The following MYO18B variants were observed in gnomAD, a reference collection of about 807,000 sequenced individuals.
The protein encoded by MYO18B is unconventional myosin-XVIIIb.
A neutral mutation model predicts 273.0 loss-of-function variants in MYO18B; 204 were observed. The observed-to-expected ratio is 0.75, with a 90% CI of 0.67 to 0.84. The LOEUF (loss-of-function observed/expected upper bound fraction) is 0.84, where lower values mean the gene tolerates loss of function less well. Among genes scored for constraint, MYO18B ranks in the 40% least tolerant of loss-of-function variants. The pLI, the probability that MYO18B is intolerant of heterozygous loss-of-function variation, is 0.00. For synonymous variants in MYO18B, 1,330 were observed against 1,305.7 expected (o/e 1.02, Z -0.40); for missense variants, 3,212 against 3,287.6 (o/e 0.98, Z 0.56).
At chr22:25,857,193 C>G (rs1209244622) in intron 21 of MYO18B, among the ~76,000 whole-genome samples, 2 of 152,224 alleles carry the variant, frequency 1.3e-5, no homozygotes, top group East Asian at 3.8e-4. Flanking sequence ...AGTGAAGGCA[C>G]TCTTTCAGCT....
chr22:26,017,962 G>GT lies in MYO18B; in HGVS notation c.6471-8479dup, dbSNP rs1339313323. Among the ~76,000 whole-genome samples, 83 of 117,508 alleles carry GT rather than the reference G, an allele frequency of 7.1e-4. 2 individuals carry two copies. The highest frequency in any genetic ancestry group is 1.6e-3 in the South Asian group (6 of 3,646). The allele number at this position is 117,508 out of a possible 152,430, so 77.1% of individuals were successfully genotyped here. On this transcript the variant is annotated intron_variant, in intron 42 of 43. Coordinates refer to ENST00000335473, the MANE Select transcript of MYO18B (RefSeq NM_032608.7). ...ATCACCACCCAGCTCCAATTTTACT[G>GT]TTTTGTTTTTTTTTTTTTTTTTTTT... is the stretch of plus-strand genomic sequence containing the variant.
At chr22:26,054,457 G>C in the MYO18B span, among the ~76,000 whole-genome samples, 19 of 152,294 alleles carry the variant, frequency 1.2e-4, no homozygotes, top group South Asian at 4.1e-4. Context: ...ACATATGTCA[G>C]AGAAGCAACA....
rs374793198 is a variant in MYO18B, at chr22:25,828,184, GAGACGGTGGCTA to G, written c.2787-582_2787-571del. 6.7e-4 allele frequency among the ~76,000 whole-genome samples: 102 copies of G among 152,276 alleles called. 1 individual carries two copies. Among genetic ancestry groups the G allele is most frequent in the African/African-American group, 2.4e-3 (101 of 41,550 alleles). On this transcript the variant is annotated intron_variant, in intron 14 of 43. Coordinates refer to ENST00000335473, the MANE Select transcript of MYO18B (RefSeq NM_032608.7). ...TCTGAGCTAGTCACCATCATTAACT[GAGACGGTGGCTA>G]AGACGGTGGAGGCTCAGAGAGGTTG...
Position 25,828,902 on chromosome 22 carries a change from C to T in MYO18B, c.2913C>T (p.Ala971=), listed in dbSNP as rs1417559783. ...TTGAGGAGCTGTGCCACAACTACGC[C>T]CATGAGCGCCTGCAGCTGCTGTTCT... ...ATFEELCHNY[A]HERLQLLFYQ... Residue 971 remains alanine (A), a synonymous_variant, in exon 15 of 44, where the codon GCC becomes GCT. Coordinates refer to ENST00000335473, the MANE Select transcript of MYO18B (RefSeq NM_032608.7). The T allele has an allele frequency of 6.2e-7, 1 of 1,614,034 alleles. No homozygotes were observed. Among genetic ancestry groups the T allele is most frequent in the Admixed American group, 1.7e-5 (1 of 60,028 alleles).
chr22:26,038,595 G>A, the MYO18B span, among the ~76,000 whole-genome samples: 1 of 152,080 alleles, frequency 6.6e-6, no homozygotes, highest in South Asian at 2.1e-4. Flanking sequence ...AGGATCTCCT[G>A]GCAGGGTGCA....
chr22:25,843,935 A>T, intron 18 of MYO18B, 41 bp downstream of exon 18: 1 of 1,575,704 alleles, frequency 6.3e-7, no homozygotes, highest in Non-Finnish European at 8.7e-7. Context: ...GGAGCATTGG[A>T]GGCACTGTGT....
At chr22:25,861,985 T>C (rs1375504248) in intron 21 of MYO18B, among the ~76,000 whole-genome samples, 1 of 152,166 alleles carries the variant, frequency 6.6e-6, no homozygotes, top group Admixed American at 6.5e-5. Flanking sequence ...AACAACTGAC[T>C]GAAAATATTT....
At chr22:25,951,947 C>G (rs973007185) in intron 37 of MYO18B, among the ~76,000 whole-genome samples, 1 of 152,178 alleles carries the variant, frequency 6.6e-6, no homozygotes, top group Admixed American at 6.5e-5. Context: ...GATGCTGTAG[C>G]TTGTTGCTCA....
intron 11 of MYO18B, among the ~76,000 whole-genome samples, chr22:25,790,871 C>G (rs1383640732): frequency 6.6e-6 from 1 of 152,100 alleles, no homozygotes; most frequent in African/African-American, 2.4e-5. Flanking sequence ...GATTAGAAAG[C>G]CTGGGGGTCC....
chr22:25,781,445 T>TA (rs2087145439), intron 9 of MYO18B, among the ~76,000 whole-genome samples: 1 of 151,850 alleles, frequency 6.6e-6, no homozygotes, highest in East Asian at 1.9e-4. Context: ...CCGTCTCTAC[T>TA]AAAAAAACAA....
the MYO18B span, among the ~76,000 whole-genome samples, chr22:26,057,524 C>CT: frequency 0.13 from 17,409 of 136,980 alleles, 1,272 homozygotes; most frequent in African/African-American, 0.21. Flanking sequence ...TGCAAAGTCA[C>CT]TTTTTTTTTT....
At chr22:25,941,575 G>T (rs1313831286) in intron 34 of MYO18B, among the ~76,000 whole-genome samples, 1 of 152,324 alleles carries the variant, frequency 6.6e-6, no homozygotes, top group Admixed American at 6.5e-5. Flanking sequence ...AACAGCCTCC[G>T]TATGGAAATA....
chr22:25,888,159 AT>A (rs996476866), intron 25 of MYO18B, among the ~76,000 whole-genome samples: 33 of 152,282 alleles, frequency 2.2e-4, no homozygotes, highest in Non-Finnish European at 4.4e-4. Flanking sequence ...TAATTCCTAA[AT>A]TTTTTTGTTC....
At chr22:26,014,117 G>T (rs1451723182) in intron 42 of MYO18B, among the ~76,000 whole-genome samples, 1 of 151,984 alleles carries the variant, frequency 6.6e-6, no homozygotes, top group Non-Finnish European at 1.5e-5. Context: ...TGTAGACATT[G>T]TATTGATTTA....
At chr22:25,755,112 G>A (rs1052750495) in intron 1 of MYO18B, among the ~76,000 whole-genome samples, 7 of 152,210 alleles carry the variant, frequency 4.6e-5, no homozygotes, top group Non-Finnish European at 1.0e-4. Flanking sequence ...AGGGGACGAC[G>A]GGAGGGGAGG....
rs536203185 is a variant in MYO18B, at chr22:25,825,276, C to A, written c.2696-1133C>A. ...TGCTGGGAGGCTGTGGGTTGCCTAG[C>A]AACAGCCCAGGTTGGGGGTGGATTC... On this transcript the variant is annotated intron_variant, in intron 13 of 43. Transcript: ENST00000335473. 3.2e-4 allele frequency among the ~76,000 whole-genome samples: 49 copies of A among 152,054 alleles called. 1 individual carries two copies. Among genetic ancestry groups the A allele is most frequent in the African/African-American group, 1.2e-3 (48 of 41,494 alleles).
rs77321600 is a variant in MYO18B, at chr22:25,879,150, C to T, written c.4314+1102C>T. On this transcript the variant is annotated intron_variant, in intron 25 of 43. Transcript: ENST00000335473. ...ATAAAGTTTTATTGGAACACAGCCA[C>T]GCTCATTCCTTTATGTGTAGTCTAT... is the stretch of plus-strand genomic sequence containing the variant. Among the ~76,000 whole-genome samples the T allele has an allele frequency of 9.6e-3, 1,460 of 152,330 alleles. 17 individuals are homozygous for T. The highest frequency in any genetic ancestry group is 0.032 in the African/African-American group (1,343 of 41,572).
chr22:26,017,059 T>A (rs1286008842), intron 42 of MYO18B, among the ~76,000 whole-genome samples: 1 of 83,242 alleles, frequency 1.2e-5, no homozygotes, highest in Non-Finnish European at 2.9e-5. Flanking sequence ...CTTCCTTCCT[T>A]CCTTCCTTCC....
chr22:25,988,762 T>C (rs1016461058), intron 39 of MYO18B, among the ~76,000 whole-genome samples: 2 of 152,170 alleles, frequency 1.3e-5, no homozygotes, highest in African/African-American at 2.4e-5. Context: ...AAGTTTCCAC[T>C]CTGCCAAGCT....
Sources: allele counts gnomAD v4.1 joint callset (sites outside exome capture counted in the v4.1 genomes callset), GRCh38; gene constraint gnomAD v4.1.1; transcripts MANE v1.5; gene names NCBI Gene and HGNC (gene_info 2026-07-23, HGNC 2026-07-21).